The following UTRN variants were observed in gnomAD, a reference collection of about 807,000 sequenced individuals.
UTRN encodes the protein dystrophin-related protein 1.
In UTRN, 283 loss-of-function variants were observed where a neutral mutation model predicts 463.9. The ratio of observed to expected loss-of-function variants is 0.61; its 90% CI spans 0.55 to 0.67. The LOEUF (loss-of-function observed/expected upper bound fraction) is 0.67, where lower values mean the gene tolerates loss of function less well. UTRN is among the 30% of genes least tolerant of loss of function. UTRN has a pLI of 0.00. For synonymous variants in UTRN, 1,442 were observed against 1,431.5 expected (o/e 1.01, Z -0.17); for missense variants, 3,922 against 4,084.3 (o/e 0.96, Z 1.08).
At chr6:144,522,258 T>C in intron 40 of UTRN, 87 bp downstream of exon 40, 1 of 1,083,678 alleles carries the variant, frequency 9.2e-7, no homozygotes, top group Non-Finnish European at 1.2e-6. Flanking sequence ...TTAGATGGTC[T>C]ATATCTTTTA....
Position 144,423,970 on chromosome 6 carries a change from T to C in UTRN, c.313-16T>C, listed in dbSNP as rs780924469. On this transcript the variant is annotated splice_polypyrimidine_tract_variant and intron_variant, in intron 5 of 74. Transcript: ENST00000367545. ...TAAAAGCGTTTTTGTTTTTGTTTTT[T>C]GTTTTGTCTTAATAGGTGGAATTAG... is the stretch of plus-strand genomic sequence containing the variant. 8 of 1,606,252 alleles carry C rather than the reference T, an allele frequency of 5.0e-6. No individual in the cohort carries two copies. In the Admixed American group the frequency reaches 1.2e-4, roughly 25 times the overall value.
chr6:144,756,485 G>C (rs1792001121), intron 57 of UTRN, among the ~76,000 whole-genome samples: 1 of 152,076 alleles, frequency 6.6e-6, no homozygotes, highest in South Asian at 2.1e-4. Context: ...AAAATGAGTG[G>C]GGAAGTGTAA....
At chr6:144,836,607 GGTCCAGGT>G in intron 71 of UTRN, 66 bp downstream of exon 71, 5 of 1,586,272 alleles carry the variant, frequency 3.2e-6, no homozygotes, top group Non-Finnish European at 4.3e-6. Flanking sequence ...GGGAGATGAT[GGTCCAGGT>G]GTCAGGAGAG....
intron 53 of UTRN, among the ~76,000 whole-genome samples, chr6:144,720,678 TTCTA>T (rs1460820604): frequency 6.6e-6 from 1 of 152,224 alleles, no homozygotes; most frequent in East Asian, 1.9e-4. Context: ...AATGTGTTTA[TTCTA>T]TCTGTTTTCT....
intron 51 of UTRN, among the ~76,000 whole-genome samples, chr6:144,634,158 A>G (rs1379180614): frequency 2.6e-5 from 4 of 152,240 alleles, no homozygotes; most frequent in Non-Finnish European, 5.9e-5. Context: ...ATGTGTGGAT[A>G]TGCTGCCTTC....
intron 2 of UTRN, among the ~76,000 whole-genome samples, chr6:144,345,684 T>C (rs1777505039): frequency 2.0e-5 from 3 of 152,090 alleles, no homozygotes; most frequent in Admixed American, 1.3e-4. Context: ...AAAACCTGCA[T>C]AGGGGCAGCA....
rs377516414 is a variant in UTRN at position 144,291,790 on chromosome 6, C to G, written c.-39C>G. The G allele has an allele frequency of 8.3e-5, 133 of 1,596,316 alleles. No individual in the cohort carries two copies. The highest frequency in any genetic ancestry group is 1.1e-4 in the Non-Finnish European group (129 of 1,170,964). On this transcript the variant is annotated 5_prime_UTR_variant, in exon 2 of 75. Transcript: ENST00000367545. ...GAAGTTGAAAGCCTTAGAAAGAGGA[C>G]TTGGTAAAGTTTTTGGATTATCTTG...
At position 144,730,410 on chromosome 6, in the gene UTRN, C is replaced by A; in HGVS notation, c.7863C>A (p.Asp2621Glu). 6.2e-7 allele frequency: 1 copy of A among 1,612,180 alleles called. No individual in the cohort carries two copies. Among genetic ancestry groups the A allele is most frequent in the Non-Finnish European group, 8.5e-7 (1 of 1,179,028 alleles). ...EKEYSVLNAV[D>E]QARVFLADQP... Reference sequence around the variant, plus strand: ...AATATTCTGTCCTGAATGCTGTCGACCAGGCCCGAGTTTTCTTGGCTGATC... The same window carrying A: ...AATATTCTGTCCTGAATGCTGTCGAACAGGCCCGAGTTTTCTTGGCTGATC... Residue 2621 changes from aspartate (D) to glutamate (E), a missense_variant, in exon 54 of 75, where the codon GAC becomes GAA. Asp to Glu is a conservative substitution (Grantham distance 45). Coordinates refer to ENST00000367545, the MANE Select transcript of UTRN (RefSeq NM_007124.3).
chr6:144,695,880 G>T (rs1022661949), intron 52 of UTRN, among the ~76,000 whole-genome samples: 4 of 152,244 alleles, frequency 2.6e-5, no homozygotes, highest in South Asian at 4.1e-4. Context: ...AAATTTTCAT[G>T]TTAAACTTAT....
intron 2 of UTRN, among the ~76,000 whole-genome samples, chr6:144,315,414 G>A (rs1584252735): frequency 6.6e-6 from 1 of 152,114 alleles, no homozygotes. Flanking sequence ...AGGAAGGTTC[G>A]GGTGCTTGAT....
At chr6:144,480,944 A>T (rs1439087996) in intron 26 of UTRN, among the ~76,000 whole-genome samples, 1 of 152,204 alleles carries the variant, frequency 6.6e-6, no homozygotes, top group African/African-American at 2.4e-5. Flanking sequence ...CATCTTTTTT[A>T]GTGTAGCTCT....
intron 51 of UTRN, among the ~76,000 whole-genome samples, chr6:144,579,507 T>A (rs946490555): frequency 1.5e-4 from 23 of 152,198 alleles, no homozygotes; most frequent in African/African-American, 5.5e-4. Flanking sequence ...AGGCCTATTC[T>A]AGAGTTTAAT....
At chr6:144,442,729 T>A (rs1330739538) in intron 13 of UTRN, among the ~76,000 whole-genome samples, 1 of 152,148 alleles carries the variant, frequency 6.6e-6, no homozygotes, top group Non-Finnish European at 1.5e-5. Flanking sequence ...TTCAATTACC[T>A]CCCACCAAGT....
In UTRN at chr6:144,473,806, T is replaced by C. The variant is rs778331231; in HGVS notation, c.3153T>C (p.Gly1051=). 2.5e-6 allele frequency: 4 copies of C among 1,614,088 alleles called. No individual in the cohort carries two copies. Among genetic ancestry groups the C allele is most frequent in the South Asian group, 1.1e-5 (1 of 91,078 alleles). ...AGGCTGCCCAAGGAGACGACGCAGG[T>C]CTACAGAGGCAGTTAGACCAGTGCT... ...KQQAAQGDDA[G]LQRQLDQCSA... Residue 1051 remains glycine, a synonymous_variant, in exon 24 of 75, where the codon GGT becomes GGC. Transcript: ENST00000367545.
Position 144,426,466 on chromosome 6 carries a change from C to G in UTRN, c.578+7C>G, listed in dbSNP as rs773682965. 6.2e-7 allele frequency: 1 copy of G among 1,612,430 alleles called. No individual in the cohort carries two copies. The highest frequency in any genetic ancestry group is 8.5e-7 in the Non-Finnish European group (1 of 1,179,192). Reference sequence around the variant, plus strand: ...CTGTCCTCCACCGACATAAGTGAGACATTACTCTATCTAGAAGTGGGCTTT... The same window carrying G: ...CTGTCCTCCACCGACATAAGTGAGAGATTACTCTATCTAGAAGTGGGCTTT... On this transcript the variant is annotated splice_region_variant and intron_variant, in intron 7 of 74. Coordinates refer to ENST00000367545, the MANE Select transcript of UTRN (RefSeq NM_007124.3).
At chr6:144,784,608 A>T (rs1268674497) in intron 61 of UTRN, among the ~76,000 whole-genome samples, 2 of 152,238 alleles carry the variant, frequency 1.3e-5, no homozygotes, top group Non-Finnish European at 2.9e-5. Context: ...ATTTTAGGGG[A>T]CACAGTTCAG....
chr6:144,321,572 C>A (rs776873964), intron 2 of UTRN, among the ~76,000 whole-genome samples: 15 of 148,660 alleles, frequency 1.0e-4, no homozygotes, highest in Non-Finnish European at 2.1e-4. Context: ...CGGGTTCAAG[C>A]GATTCTCCTG....
At chr6:144,356,211 A>G (rs764271849) in intron 2 of UTRN, among the ~76,000 whole-genome samples, 6 of 152,220 alleles carry the variant, frequency 3.9e-5, no homozygotes, top group Admixed American at 2.6e-4. Context: ...TTAATTATTT[A>G]TGGTATATTC....
chr6:144,713,941 A>G (rs992175554), intron 53 of UTRN, among the ~76,000 whole-genome samples: 2 of 148,624 alleles, frequency 1.3e-5, no homozygotes, highest in Non-Finnish European at 3.0e-5. Flanking sequence ...AAAAAAAAGT[A>G]CAGGGAAGGA....
Sources: gnomAD v4.1 joint callset for allele counts (sites outside exome capture counted in the v4.1 genomes callset) on GRCh38, gnomAD v4.1.1 for gene constraint, MANE v1.5 for transcripts, NCBI Gene and HGNC (gene_info 2026-07-23, HGNC 2026-07-21) for gene names.